KIF18B: variants seen among roughly 807,000 people sequenced by gnomAD.
The protein encoded by KIF18B is kinesin family member 18B, also known as kinesin-like protein KIF18B.
In KIF18B, 49 loss-of-function variants were observed where a neutral mutation model predicts 80.9. That is an observed-to-expected ratio of 0.61 (90% CI 0.48 to 0.77). The LOEUF (loss-of-function observed/expected upper bound fraction) is 0.77. KIF18B is among the 30% of genes least tolerant of loss of function. The pLI, the probability that KIF18B is intolerant of heterozygous loss-of-function variation, is 0.00. For synonymous variants in KIF18B, 439 were observed against 463.9 expected, an observed-to-expected ratio of 0.95 and a Z score of 0.69; for missense variants, 994 against 1,127.7, an observed-to-expected ratio of 0.88 and a Z score of 1.70.
Position 44,928,820 on chromosome 17 carries a change from T to G in KIF18B, c.1722A>C (p.Ser574=), listed in dbSNP as rs1248996938. The change falls in exon 12 of 16, where the codon TCA becomes TCC. Residue 574 remains serine, a splice_region_variant and synonymous_variant. Coordinates refer to ENST00000593135, the MANE Select transcript of KIF18B (RefSeq NM_001265577.2). The part of the protein sequence containing the change: ...APLAQELCSE[S]IPVPSPLCPE... ...AGGGGAGAGCAGGATGAGACTCACT[T>G]GACTCTGAACACAGCTCCTGAGCCA... is the stretch of plus-strand genomic sequence containing the variant. 3.1e-6 allele frequency: 5 copies of G among 1,613,470 alleles called. No individual in the cohort carries two copies. Among genetic ancestry groups the G allele is most frequent in the Non-Finnish European group, 4.2e-6 (5 of 1,179,694 alleles).
rs1270732307 is a variant in KIF18B at position 44,936,062 on chromosome 17, C to G, written c.283G>C (p.Asp95His). 1.2e-6 allele frequency: 2 copies of G among 1,613,750 alleles called. No individual in the cohort carries two copies. The highest frequency in any genetic ancestry group is 1.7e-6 in the Non-Finnish European group (2 of 1,179,896). ...VFQHTTHSVL[D>H]SFLQGYNCSV... is the part of the protein sequence containing the mutation. Reference sequence around the variant, plus strand: ...CAGTTGTAGCCCTGGAGGAAGCTGTCCAGGACGCTGTGCGTGGTGTGCTGG... The same window carrying G: ...CAGTTGTAGCCCTGGAGGAAGCTGTGCAGGACGCTGTGCGTGGTGTGCTGG... Residue 95 changes from aspartate (D) to histidine (H), a missense_variant, in exon 2 of 16, where the codon GAC becomes CAC. Physicochemically the swap from Asp to His is moderately conservative, Grantham distance 81. Coordinates refer to ENST00000593135, the MANE Select transcript of KIF18B (RefSeq NM_001265577.2).
At chr17:44,940,025 C>A (rs572533433) in intron 1 of KIF18B, among the ~76,000 whole-genome samples, 1 of 152,230 alleles carries the variant, frequency 6.6e-6, no homozygotes, top group Non-Finnish European at 1.5e-5. Context: ...AAGCGATCCA[C>A]CCGCCTTGGC....
rs1265015436 is a variant in KIF18B at position 44,925,765 on chromosome 17, AG to A, written c.*314del. The A allele has an allele frequency of 1.9e-5, 7 of 363,648 alleles. No homozygotes were observed. The highest frequency in any genetic ancestry group is 6.5e-5 in the African/African-American group (3 of 46,114). 22.5% of individuals were successfully genotyped at this position (363,648 alleles called of 1,614,324 possible). A position where few individuals can be genotyped will look rare whatever the true frequency, so the allele number is the denominator to read the frequency against. ...CACTGCACTCCAGCCTGGGCGACAGAGTAAGACTCCATCTCAAAACAAAAAA... is the reference window on the plus strand; with the variant it reads ...CACTGCACTCCAGCCTGGGCGACAGATAAGACTCCATCTCAAAACAAAAAA... On this transcript the variant is annotated 3_prime_UTR_variant, in exon 16 of 16. Coordinates refer to ENST00000593135, the MANE Select transcript of KIF18B (RefSeq NM_001265577.2).
Position 44,926,621 on chromosome 17 carries a change from C to T in KIF18B, c.2367-122G>A, listed in dbSNP as rs1396132258. ...CCTGAGAGCAAAGGCTGCTGGGCAC[C>T]AGCAGGAGCTTCCAGAGCTGGATCT... On this transcript the variant is annotated intron_variant, in intron 14 of 15. Coordinates refer to ENST00000593135, the MANE Select transcript of KIF18B (RefSeq NM_001265577.2). 5.1e-6 allele frequency: 5 copies of T among 973,468 alleles called. No homozygotes were observed. The East Asian group carries it at 1.1e-4, about 21-fold the overall frequency. 60.3% of individuals were successfully genotyped at this position (973,468 alleles called of 1,614,324 possible). A position where few individuals can be genotyped will look rare whatever the true frequency, so the allele number is the denominator to read the frequency against.
chr17:44,926,882 G>GCTACACA (rs2052039622), intron 14 of KIF18B, 107 bp downstream of exon 14: 9 of 947,782 alleles, frequency 9.5e-6, no homozygotes, highest in African/African-American at 1.6e-5. Context: ...GCTTGCTCCG[G>GCTACACA]GGGTGTAGAG....
chr17:44,934,137 A>AT lies in KIF18B; in HGVS notation c.886-39dup, dbSNP rs148830656. The stretch of plus-strand genomic sequence containing the variant: ...AAGCAGGTGTGGGGTGAGGCGACTG[A>AT]TGGCACTGACCCAGGATGGGGCCCT... On this transcript the variant is annotated intron_variant, in intron 6 of 15. Coordinates refer to ENST00000593135, the MANE Select transcript of KIF18B (RefSeq NM_001265577.2). The surrounding 1 kb of genome is among the most constrained non-coding windows in gnomAD (Gnocchi z 5.4). 2.6e-3 allele frequency: 4,185 copies of AT among 1,606,988 alleles called. 92 individuals carry two copies. The African/African-American group carries it at 0.049, about 19-fold the overall frequency.
intron 14 of KIF18B, 109 bp downstream of exon 14, chr17:44,926,880 C>A (rs913511028): frequency 2.1e-6 from 2 of 939,608 alleles, no homozygotes; most frequent in Non-Finnish European, 3.3e-6. Flanking sequence ...CTGCTTGCTC[C>A]GGGGGTGTAG....
chr17:44,938,283 T>C (rs1427741101), intron 1 of KIF18B, among the ~76,000 whole-genome samples: 1 of 152,226 alleles, frequency 6.6e-6, no homozygotes, highest in African/African-American at 2.4e-5. Context: ...CCCAAAGTGC[T>C]AGGATTACAG....
rs752019344 is a variant in KIF18B at position 44,934,521 on chromosome 17, G to A, written c.673C>T (p.His225Tyr). 1.2e-6 allele frequency: 2 copies of A among 1,612,074 alleles called. No homozygotes were observed. Among genetic ancestry groups the A allele is most frequent in the South Asian group, 1.1e-5 (1 of 90,722 alleles). Residue 225 changes from histidine to tyrosine, a missense_variant, in exon 5 of 16, where the codon CAT (histidine) becomes TAT (tyrosine). Coordinates refer to ENST00000593135, the MANE Select transcript of KIF18B (RefSeq NM_001265577.2). This position sits in a 1 kb window ranked among gnomAD's most constrained non-coding sequence, Gnocchi z 5.4. ...TDANATSSRS[H>Y]AIFQIFVKQQ... is the part of the protein sequence containing the mutation. ...CATGACCTCACCTGGAAGATGGCAT[G>A]GGAGCGGGAGGAAGTCGCGTTGGCA...
chr17:44,926,371 G>A (rs370048495), intron 15 of KIF18B, 43 bp downstream of exon 15: 29 of 1,554,514 alleles, frequency 1.9e-5, no homozygotes, highest in Admixed American at 9.8e-5. Flanking sequence ...TGTCTTCATC[G>A]GCCTCCATGG....
At chr17:44,928,795 A>C (rs1004400586) in intron 12 of KIF18B, 24 bp downstream of exon 12, 2 of 1,608,210 alleles carry the variant, frequency 1.2e-6, no homozygotes, top group African/African-American at 2.7e-5. Context: ...GAAGACAGGC[A>C]GGGGAGAGCA....
chr17:44,932,340 A>T, intron 9 of KIF18B, 134 bp from the exon 10 acceptor site: 1 of 1,006,606 alleles, frequency 9.9e-7, no homozygotes, highest in South Asian at 1.8e-5. Context: ...TATAGAGTCC[A>T]TAAGGGACAG....
chr17:44,941,637 C>T (rs958589340), intron 1 of KIF18B, among the ~76,000 whole-genome samples: 2 of 152,190 alleles, frequency 1.3e-5, no homozygotes, highest in African/African-American at 4.8e-5. Flanking sequence ...CTGCACCCAG[C>T]TGTACCTAAT....
intron 9 of KIF18B, 30 bp downstream of exon 9, chr17:44,932,643 G>C: frequency 8.5e-7 from 1 of 1,177,140 alleles, no homozygotes; most frequent in Admixed American, 1.7e-5. Flanking sequence ...GAGCTGCAGG[G>C]TGGGGGCGGG....
At position 44,928,257 on chromosome 17, in the gene KIF18B, G is replaced by A; in HGVS notation, c.2045C>T (p.Ser682Phe). Reference sequence around the variant, plus strand: ...GCAAACGCGAGGGGAATGGCAGGGGGAGGAGGCCCTTTCTCCTTTGGGGGT... The same window carrying A: ...GCAAACGCGAGGGGAATGGCAGGGGAAGGAGGCCCTTTCTCCTTTGGGGGT... ...PSTPKGERAS[S>F]PCHSPRVCPA... The change falls in exon 13 of 16, where the codon TCC becomes TTC. Residue 682 changes from serine (S) to phenylalanine (F), a missense_variant. Transcript: ENST00000593135. 1.9e-6 allele frequency: 3 copies of A among 1,613,690 alleles called. No individual in the cohort carries two copies. The highest frequency in any genetic ancestry group is 2.5e-6 in the Non-Finnish European group (3 of 1,179,814).
chr17:44,946,300 A>G (rs1766947820), intron 1 of KIF18B, among the ~76,000 whole-genome samples: 1 of 152,240 alleles, frequency 6.6e-6, no homozygotes, highest in Admixed American at 6.5e-5. Flanking sequence ...GTTAGATAAT[A>G]TAAAGACCAA....
intron 3 of KIF18B, 63 bp downstream of exon 3, chr17:44,935,195 AC>A: frequency 1.3e-6 from 2 of 1,481,918 alleles, no homozygotes; most frequent in Non-Finnish European, 1.8e-6. Flanking sequence ...AGCTCACTCC[AC>A]CCCATGGGCT....
Position 44,934,666 on chromosome 17 carries a change from C to T in KIF18B, c.577-49G>A, listed in dbSNP as rs546344920. ...GGGGCTGTGGGTTCCCGGATCAGGA[C>T]TTTTCCCCTAACAGGAAGGGCTGCT... On this transcript the variant is annotated intron_variant, in intron 4 of 15. Transcript: ENST00000593135. The surrounding 1 kb of genome is among the most constrained non-coding windows in gnomAD (Gnocchi z 5.4). The T allele has an allele frequency of 1.8e-4, 271 of 1,469,802 alleles. 3 individuals carry two copies. The South Asian group carries it at 3.4e-3, about 18-fold the overall frequency. The allele number at this position is 1,469,802 out of a possible 1,614,324, so 91.0% of individuals were successfully genotyped here.
intron 1 of KIF18B, among the ~76,000 whole-genome samples, chr17:44,946,151 A>G (rs1360071692): frequency 6.6e-6 from 1 of 152,180 alleles, no homozygotes; most frequent in Non-Finnish European, 1.5e-5. Context: ...ATAATTGTTT[A>G]GATTTGTTTT....
Sources: allele counts gnomAD v4.1 joint callset (sites outside exome capture counted in the v4.1 genomes callset), GRCh38; gene constraint gnomAD v4.1.1; non-coding constraint Gnocchi (gnomAD v3.1); transcripts MANE v1.5; gene names NCBI Gene and HGNC (gene_info 2026-07-23, HGNC 2026-07-21).